The following GOLGA8K variants were observed in gnomAD, a reference collection of about 807,000 sequenced individuals.
GOLGA8K encodes the protein golgin A8 family member K.
A neutral mutation model predicts 75.2 loss-of-function variants in GOLGA8K; 12 were observed. That is an observed-to-expected ratio of 0.16 (90% confidence interval 0.10 to 0.26). The LOEUF is 0.26. Among genes scored for constraint, GOLGA8K ranks in the 10% least tolerant of loss-of-function variants. The probability of loss-of-function intolerance (pLI) is 1.00; values close to 1 mark genes in which losing one functional copy is unlikely to be tolerated. For missense variants in GOLGA8K, 109 were observed against 640.8 expected, an observed-to-expected ratio of 0.17 and a Z score of 8.96; for synonymous variants, 48 against 236.6, an observed-to-expected ratio of 0.20 and a Z score of 7.32.
At chr15:32,395,749 C>T (rs1238506599) in intron 13 of GOLGA8K, among the ~76,000 whole-genome samples, 4 of 147,444 alleles carry the variant, frequency 2.7e-5, no homozygotes, top group Admixed American at 6.9e-5. Context: ...ATGCCTCTAG[C>T]TAGGATGATG....
chr15:32,401,628 G>A (rs1258635347), intron 1 of GOLGA8K, among the ~76,000 whole-genome samples, 153 bp from the exon 2 acceptor site: 2 of 88,736 alleles, frequency 2.3e-5, no homozygotes, highest in Non-Finnish European at 4.6e-5. Context: ...TAGTGACTGA[G>A]AAGGATTGAT....
chr15:32,398,413 G>C, intron 8 of GOLGA8K, 147 bp downstream of exon 8: 1 of 651,352 alleles, frequency 1.5e-6, no homozygotes, highest in Non-Finnish European at 2.8e-6. Flanking sequence ...GCCCCAGGCT[G>C]CCACTAAAAA....
chr15:32,394,141 T>A lies in GOLGA8K; in HGVS notation c.1365+4A>T. 1.9e-6 allele frequency: 2 copies of A among 1,044,486 alleles called. 1 individual carries two copies. Among genetic ancestry groups the A allele is most frequent in the Non-Finnish European group, 2.6e-6 (2 of 766,074 alleles). 64.7% of individuals were successfully genotyped at this position (1,044,486 alleles called of 1,614,324 possible). A position where few individuals can be genotyped will look rare whatever the true frequency, so the allele number is the denominator to read the frequency against. ...AAAATGGGTGCAGGGGGAGTCAGGC[T>A]CACCATGGCCTCCCTGCTCTCCAGG... On this transcript the variant is annotated splice_donor_region_variant and intron_variant, in intron 15 of 18. Coordinates refer to ENST00000512626, the MANE Select transcript of GOLGA8K (RefSeq NM_001282493.2).
At chr15:32,398,278 C>T (rs1566976558) in intron 8 of GOLGA8K, among the ~76,000 whole-genome samples, 4 of 146,966 alleles carry the variant, frequency 2.7e-5, no homozygotes, top group African/African-American at 1.0e-4. Flanking sequence ...CAATACCCCA[C>T]CTAGGACTAG....
intron 8 of GOLGA8K, 136 bp from the exon 9 acceptor site, chr15:32,397,639 G>C: frequency 4.8e-6 from 6 of 1,254,666 alleles, no homozygotes; most frequent in South Asian, 2.5e-5. Flanking sequence ...CCCGTGGTCT[G>C]GTTTTTAAAA....
chr15:32,394,356 T>C, intron 14 of GOLGA8K, 123 bp from the exon 15 acceptor site: 1 of 656,528 alleles, frequency 1.5e-6, no homozygotes, highest in Middle Eastern at 3.9e-4. Context: ...GAATGAGCTG[T>C]TGTTCTTTAT....
At position 32,397,253 on chromosome 15, in the gene GOLGA8K, T is replaced by C. The variant is rs761536262; in HGVS notation, c.736A>G (p.Lys246Glu). 22 of 1,566,160 alleles carry C rather than the reference T, an allele frequency of 1.4e-5. 2 individuals are homozygous for C. Among genetic ancestry groups the C allele is most frequent in the African/African-American group, 1.2e-4 (8 of 67,510 alleles). ...TGCTGCCACCGGGCCCTCTCTCCTT[T>C]TAGATGTTCAGAATACTCATCTCTT... ...LERDEYSEHL[K>E]GERARWQQRM... Residue 246 changes from lysine (K) to glutamate (E), a missense_variant, in exon 10 of 19, where the codon AAA becomes GAA. Physicochemically the swap from Lys to Glu is moderately conservative, Grantham distance 56. Transcript: ENST00000512626.
intron 8 of GOLGA8K, among the ~76,000 whole-genome samples, chr15:32,397,978 G>A (rs1193505248): frequency 2.0e-5 from 3 of 152,098 alleles, no homozygotes; most frequent in Admixed American, 2.0e-4. Flanking sequence ...TTTTCTTGCT[G>A]GGGATGGGGG....
At chr15:32,395,428 G>T (rs1396854533) in intron 13 of GOLGA8K, among the ~76,000 whole-genome samples, 47 of 141,038 alleles carry the variant, frequency 3.3e-4, no homozygotes, top group African/African-American at 1.1e-3. Flanking sequence ...GGCCCAGGCT[G>T]GAGTGCAGTG....
chr15:32,397,892 G>T (rs980673500), intron 8 of GOLGA8K, among the ~76,000 whole-genome samples: 2 of 150,434 alleles, frequency 1.3e-5, no homozygotes, highest in Admixed American at 6.6e-5. Context: ...AGTATTTGAG[G>T]TTAAGTGCTT....
rs1400864205 is a variant in GOLGA8K at position 32,390,544 on chromosome 15, AG to A, written c.*2237del. Among the ~76,000 whole-genome samples the A allele has an allele frequency of 2.3e-4, 1 of 4,256 alleles. No homozygotes were observed. Among genetic ancestry groups the A allele is most frequent in the African/African-American group, 5.0e-4 (1 of 2,012 alleles). The allele number at this position is 4,256 out of a possible 152,430, so 2.8% of individuals were successfully genotyped here. On this transcript the variant is annotated 3_prime_UTR_variant, in exon 19 of 19. Transcript: ENST00000512626. Reference sequence around the variant, plus strand: ...AAAGTGAAGTGATTTCAACGATAAAAGTACCTTTGCAATAATTTATCAATGT... The same window carrying A: ...AAAGTGAAGTGATTTCAACGATAAAATACCTTTGCAATAATTTATCAATGT...
intron 8 of GOLGA8K, 98 bp from the exon 9 acceptor site, chr15:32,397,601 G>C: frequency 7.1e-7 from 1 of 1,403,382 alleles, no homozygotes; most frequent in Non-Finnish European, 1.0e-6. Flanking sequence ...TATACAACTC[G>C]GTCAGTAAAG....
At chr15:32,400,713 TG>T (rs1442288902) in intron 2 of GOLGA8K, among the ~76,000 whole-genome samples, 3 of 76,832 alleles carry the variant, frequency 3.9e-5, no homozygotes, top group African/African-American at 1.5e-4. Flanking sequence ...AGACTGGGGA[TG>T]AGGAAAATCA....
In GOLGA8K at chr15:32,400,300, G is replaced by A; in HGVS notation, c.229-80C>T. On this transcript the variant is annotated intron_variant, in intron 3 of 18. Transcript: ENST00000512626. Reference sequence around the variant, plus strand: ...AGAACAATCATTAGGGCTGGGGTGTGTAGGCTGTCTCAGCTGGCAGAGGGG... The same window carrying A: ...AGAACAATCATTAGGGCTGGGGTGTATAGGCTGTCTCAGCTGGCAGAGGGG... The A allele has an allele frequency of 5.0e-6, 5 of 1,000,160 alleles. 2 individuals carry two copies. Among genetic ancestry groups the A allele is most frequent in the Non-Finnish European group, 1.3e-6 (1 of 787,780 alleles). 62.0% of individuals were successfully genotyped at this position (1,000,160 alleles called of 1,614,324 possible).
Position 32,397,451 on chromosome 15 carries a change from C to T in GOLGA8K, c.644G>A (p.Arg215Gln), listed in dbSNP as rs1186268733. ...RTEWKLEQSM[R>Q]EEALLKVQLT... ...CTGCACTTTCAGTAGTGCCTCCTCC[C>T]GCATGGACTGCTCTAACTTCCACTC... is the stretch of plus-strand genomic sequence containing the variant. Residue 215 changes from arginine (R) to glutamine (Q), a missense_variant, in exon 9 of 19, where the codon CGG (arginine) becomes CAG (glutamine). Physicochemically the swap from Arg to Gln is conservative, Grantham distance 43 (BLOSUM62 1). Coordinates refer to ENST00000512626, the MANE Select transcript of GOLGA8K (RefSeq NM_001282493.2). 7.5e-5 allele frequency: 116 copies of T among 1,539,658 alleles called. 1 individual carries two copies. The East Asian group carries it at 9.1e-4, about 12-fold the overall frequency.
At position 32,395,958 on chromosome 15, in the gene GOLGA8K, T is replaced by A; in HGVS notation, c.1200+5A>T. The A allele has an allele frequency of 8.2e-7, 1 of 1,217,708 alleles. No individual in the cohort carries two copies. Among genetic ancestry groups the A allele is most frequent in the South Asian group, 1.3e-5 (1 of 78,032 alleles). 75.4% of individuals were successfully genotyped at this position (1,217,708 alleles called of 1,614,324 possible). A position where few individuals can be genotyped will look rare whatever the true frequency, so the allele number is the denominator to read the frequency against. ...GGATGGGGTGGAGGTTTCCGTCTCC[T>A]TCACCTCGCCAAGCTTCTCCTGTAG... On this transcript the variant is annotated splice_donor_5th_base_variant and intron_variant, in intron 13 of 18. Transcript: ENST00000512626.
At chr15:32,394,018 A>G in intron 15 of GOLGA8K, 127 bp downstream of exon 15, 1 of 467,012 alleles carries the variant, frequency 2.1e-6, no homozygotes, top group Non-Finnish European at 3.5e-6. Context: ...ATGGTGTCTG[A>G]CCACTGGCTC....
chr15:32,393,612 C>A, intron 15 of GOLGA8K, 42 bp from the exon 16 acceptor site: 1 of 1,038,128 alleles, frequency 9.6e-7, no homozygotes, highest in Non-Finnish European at 1.3e-6. Flanking sequence ...CAGCGACCTG[C>A]CCTCAGGTGG....
At chr15:32,401,697 T>C (rs2054691480) in intron 1 of GOLGA8K, among the ~76,000 whole-genome samples, 1 of 81,416 alleles carries the variant, frequency 1.2e-5, no homozygotes, top group African/African-American at 5.0e-5. Flanking sequence ...AACTCAGTCT[T>C]CTGACTCCAA....
Sources: gnomAD v4.1 joint callset for allele counts (sites outside exome capture counted in the v4.1 genomes callset) on GRCh38, gnomAD v4.1.1 for gene constraint, MANE v1.5 for transcripts, NCBI Gene and HGNC (gene_info 2026-07-23, HGNC 2026-07-21) for gene names.